The following GPC6 variants were observed in gnomAD, a reference collection of about 807,000 sequenced individuals.
GPC6 encodes glypican 6.
GPC6 carries 14 observed loss-of-function variants against 55.2 expected under a neutral mutation model. The observed-to-expected ratio is 0.25, with a 90% CI of 0.17 to 0.40. The LOEUF (loss-of-function observed/expected upper bound fraction) is 0.40. Among genes scored for constraint, GPC6 ranks in the 10% least tolerant of loss-of-function variants. The pLI is 1.00. For synonymous variants in GPC6, 278 were observed against 259.6 expected (o/e 1.07, Z -0.68); for missense variants, 641 against 708.5 (o/e 0.90, Z 1.08).
intron 2 of GPC6, among the ~76,000 whole-genome samples, chr13:93,559,881 T>C (rs967493694): frequency 1.3e-5 from 2 of 152,186 alleles, no homozygotes; most frequent in African/African-American, 4.8e-5. Context: ...ATCCTAAGGT[T>C]CACTAACTGT....
chr13:94,343,625 G>A (rs957491599), intron 6 of GPC6, among the ~76,000 whole-genome samples: 5 of 152,282 alleles, frequency 3.3e-5, no homozygotes, highest in Middle Eastern at 3.4e-3. Flanking sequence ...AAGTGGTCTC[G>A]CATGTGTTAC....
intron 2 of GPC6, among the ~76,000 whole-genome samples, chr13:93,721,220 G>A (rs1157310709): frequency 6.6e-6 from 1 of 151,936 alleles, no homozygotes; most frequent in Non-Finnish European, 1.5e-5. Context: ...AGGTCTTTAA[G>A]AACTTGCTTT....
intron 2 of GPC6, among the ~76,000 whole-genome samples, chr13:93,616,729 C>T (rs1395988829): frequency 6.6e-6 from 1 of 151,930 alleles, no homozygotes; most frequent in Non-Finnish European, 1.5e-5. Flanking sequence ...TTATGAATAC[C>T]CATAGATTAA....
At chr13:93,318,563 G>A (rs530872219) in intron 1 of GPC6, among the ~76,000 whole-genome samples, 61 of 152,148 alleles carry the variant, frequency 4.0e-4, no homozygotes, top group African/African-American at 1.4e-3. Context: ...AAACATACAT[G>A]AATAAAGAGG....
intron 3 of GPC6, among the ~76,000 whole-genome samples, chr13:93,912,618 C>A (rs887735398): frequency 2.0e-5 from 3 of 152,146 alleles, no homozygotes; most frequent in African/African-American, 7.2e-5. Flanking sequence ...TGGCGGGCGC[C>A]TGTAGTCCCA....
intron 1 of GPC6, among the ~76,000 whole-genome samples, chr13:93,398,626 T>C (rs1225176790): frequency 6.6e-6 from 1 of 152,138 alleles, no homozygotes. Flanking sequence ...GGAATAATCA[T>C]TAATTAATGG....
At chr13:94,382,019 G>C (rs568664555) in intron 6 of GPC6, among the ~76,000 whole-genome samples, 1 of 152,244 alleles carries the variant, frequency 6.6e-6, no homozygotes, top group African/African-American at 2.4e-5. Flanking sequence ...TTATCTCTTG[G>C]TGCATTTGTT....
At chr13:94,070,560 G>A (rs1027925909) in intron 4 of GPC6, among the ~76,000 whole-genome samples, 1 of 152,142 alleles carries the variant, frequency 6.6e-6, no homozygotes, top group Non-Finnish European at 1.5e-5. Context: ...TACCATGGAA[G>A]CATTTAAATA....
In GPC6 at chr13:93,830,162, C is replaced by A. The variant is rs772667427; in HGVS notation, c.328C>A (p.Arg110=). Residue 110 remains arginine (R), a synonymous_variant, in exon 3 of 9, where the codon CGA becomes AGA. Transcript: ENST00000377047. ...TTCTGTTTTATCTGCAGAATTTTTC[C>A]GAGAGCTCCTGGAGAATGCAGAAAA... The part of the protein sequence containing the change: ...SRHKKFDEFF[R]ELLENAEKSL... The A allele has an allele frequency of 6.2e-7, 1 of 1,606,572 alleles. No individual in the cohort carries two copies. Among genetic ancestry groups the A allele is most frequent in the South Asian group, 1.1e-5 (1 of 90,040 alleles).
At chr13:93,672,313 T>C (rs1387866741) in intron 2 of GPC6, among the ~76,000 whole-genome samples, 5 of 151,898 alleles carry the variant, frequency 3.3e-5, no homozygotes, top group African/African-American at 1.2e-4. Context: ...GATATAACTA[T>C]TGAGTTTGTA....
chr13:93,238,266 G>T (rs1471022289), intron 1 of GPC6, among the ~76,000 whole-genome samples: 1 of 151,956 alleles, frequency 6.6e-6, no homozygotes, highest in Non-Finnish European at 1.5e-5. Flanking sequence ...AGCTCTCCTT[G>T]TAGAGATCTC....
At chr13:94,284,322 C>T (rs1892470318) in intron 4 of GPC6, among the ~76,000 whole-genome samples, 1 of 152,152 alleles carries the variant, frequency 6.6e-6, no homozygotes. Context: ...AGCTATGAAC[C>T]TGACCTTTTA....
chr13:94,159,661 C>T (rs1241156753), intron 4 of GPC6, among the ~76,000 whole-genome samples: 1 of 152,142 alleles, frequency 6.6e-6, no homozygotes, highest in African/African-American at 2.4e-5. Flanking sequence ...AACCAGGAAA[C>T]AACTAAGACT....
intron 5 of GPC6, among the ~76,000 whole-genome samples, chr13:94,288,818 A>AAT (rs201831096): frequency 0.51 from 48,350 of 95,652 alleles, 12,596 homozygotes; most frequent in African/African-American, 0.63. Context: ...ATATATAATA[A>AAT]ATATATATAT....
intron 4 of GPC6, among the ~76,000 whole-genome samples, chr13:94,182,960 T>C (rs1594031808): frequency 6.6e-6 from 1 of 152,124 alleles, no homozygotes; most frequent in South Asian, 2.1e-4. Context: ...TTATTTTTTG[T>C]AGAGACAAGG....
intron 2 of GPC6, among the ~76,000 whole-genome samples, chr13:93,757,318 A>C (rs1269009772): frequency 6.6e-6 from 1 of 152,154 alleles, no homozygotes; most frequent in Non-Finnish European, 1.5e-5. Flanking sequence ...CAGGCCCAGC[A>C]CAGTCTGTCA....
At chr13:94,037,738 C>T (rs1883389568) in intron 4 of GPC6, among the ~76,000 whole-genome samples, 1 of 151,928 alleles carries the variant, frequency 6.6e-6, no homozygotes, top group South Asian at 2.1e-4. Context: ...TACCAATTAA[C>T]TCCTGCTGAG....
chr13:93,930,942 A>T (rs1358776626), intron 3 of GPC6, among the ~76,000 whole-genome samples: 1 of 152,142 alleles, frequency 6.6e-6, no homozygotes, highest in African/African-American at 2.4e-5. Context: ...AGGTGAAAGG[A>T]AAGCAAGCAG....
At chr13:94,113,850 G>T (rs1025857048) in intron 4 of GPC6, among the ~76,000 whole-genome samples, 1 of 151,440 alleles carries the variant, frequency 6.6e-6, no homozygotes, top group East Asian at 2.0e-4. Context: ...GTGAAACCCT[G>T]TCTCTACTAA....
Sources: allele counts gnomAD v4.1 joint callset (sites outside exome capture counted in the v4.1 genomes callset), GRCh38; gene constraint gnomAD v4.1.1; transcripts MANE v1.5; gene names NCBI Gene and HGNC (gene_info 2026-07-23, HGNC 2026-07-21).